CDKL1: variants seen among roughly 807,000 people sequenced by gnomAD.
The protein encoded by CDKL1 is cyclin-dependent kinase-like 1.
In CDKL1, 41 loss-of-function variants were observed where a neutral mutation model predicts 42.0. That is an observed-to-expected ratio of 0.98 (90% CI 0.76 to 1.27). CDKL1 has a LOEUF of 1.27. Among genes scored for constraint, CDKL1 ranks in the 50% most tolerant of loss-of-function variants. The pLI is 0.00. For synonymous variants in CDKL1, 153 were observed against 158.6 expected, an observed-to-expected ratio of 0.96 and a Z score of 0.26; for missense variants, 394 against 428.4, an observed-to-expected ratio of 0.92 and a Z score of 0.71.
Position 50,339,022 on chromosome 14 carries a change from G to A in CDKL1, c.663C>T (p.Leu221=), listed in dbSNP as rs184318768. The change falls in exon 7 of 10, where the codon CTC becomes CTT. Residue 221 remains leucine, a synonymous_variant. Transcript: ENST00000395834. ...LYLIRKTLGD[L]IPRHQQVFST... is the part of the protein sequence containing the mutation. Reference sequence around the variant, plus strand: ...TAAACACTTGCTGGTGCCTAGGAATGAGATCCCCTTTGGACAAGAAAAGAA... The same window carrying A: ...TAAACACTTGCTGGTGCCTAGGAATAAGATCCCCTTTGGACAAGAAAAGAA... 6.2e-7 allele frequency: 1 copy of A among 1,607,300 alleles called. No homozygotes were observed. Among genetic ancestry groups the A allele is most frequent in the African/African-American group, 1.3e-5 (1 of 74,934 alleles).
At chr14:50,380,656 CTG>C (rs2034877513) in intron 2 of CDKL1, among the ~76,000 whole-genome samples, 1 of 152,206 alleles carries the variant, frequency 6.6e-6, no homozygotes, top group African/African-American at 2.4e-5. Flanking sequence ...ATCATGTTAA[CTG>C]GATCTCCTGG....
rs374702856 is a variant in CDKL1 at position 50,362,098 on chromosome 14, C to T, written c.169-2949G>A. 5.8e-4 allele frequency: 143 copies of T among 245,456 alleles called. 4 individuals carry two copies. Among genetic ancestry groups the T allele is most frequent in the South Asian group, 4.4e-3 (132 of 30,018 alleles). 15.2% of individuals were successfully genotyped at this position (245,456 alleles called of 1,614,324 possible). On this transcript the variant is annotated intron_variant, in intron 2 of 9. Coordinates refer to ENST00000395834, the MANE Select transcript of CDKL1 (RefSeq NM_004196.7). ...GCAGCTGCTGTGCTCGACTTCTGGC[C>T]GGGCCTTAGGTGCCTCCCTGCAGGG...
At chr14:50,388,415 T>C (rs2035150512) in intron 2 of CDKL1, among the ~76,000 whole-genome samples, 1 of 152,236 alleles carries the variant, frequency 6.6e-6, no homozygotes, top group South Asian at 2.1e-4. Flanking sequence ...CATGTGCCTG[T>C]CACCATGATG....
chr14:50,362,576 A>C (rs1464294010), intron 2 of CDKL1, among the ~76,000 whole-genome samples: 1 of 152,170 alleles, frequency 6.6e-6, no homozygotes, highest in African/African-American at 2.4e-5. Context: ...TAAATACACC[A>C]ATCAGCACCC....
In CDKL1 at chr14:50,395,904, G is replaced by T. The variant is rs1168818443; in HGVS notation, c.-36C>A. The T allele has an allele frequency of 4.4e-6, 7 of 1,602,332 alleles. No individual in the cohort carries two copies. The highest frequency in any genetic ancestry group is 6.0e-6 in the Non-Finnish European group (7 of 1,169,764). ...TAAATCTTCTTAAAATGGATCTTCA[G>T]CCGAGAATGGTGGCTCACGCCTGTA... On this transcript the variant is annotated 5_prime_UTR_variant, in exon 2 of 10. In the 5' UTR this introduces an upstream ATG that the reference lacks. Coordinates refer to ENST00000395834, the MANE Select transcript of CDKL1 (RefSeq NM_004196.7).
chr14:50,335,295 C>CA (rs55777134), intron 7 of CDKL1, among the ~76,000 whole-genome samples: 7,267 of 53,348 alleles, frequency 0.14, 562 homozygotes, highest in Non-Finnish European at 0.16. Flanking sequence ...GACCCTGTCT[C>CA]AAAAAAAAAA....
chr14:50,396,310 G>A lies in CDKL1; in HGVS notation c.-442C>T. 1 of 1,007,886 alleles carries A rather than the reference G, an allele frequency of 9.9e-7. No homozygotes were observed. Among genetic ancestry groups the A allele is most frequent in the Non-Finnish European group, 1.2e-6 (1 of 845,036 alleles). The allele number at this position is 1,007,886 out of a possible 1,614,324, so 62.4% of individuals were successfully genotyped here. ...GGACTGCACTAGAGCCCCACCCAAC[G>A]ATGAGTGTTTGTCACGGTCCTAGAA... is the stretch of plus-strand genomic sequence containing the variant. On this transcript the variant is annotated 5_prime_UTR_variant, in exon 2 of 10. Coordinates refer to ENST00000395834, the MANE Select transcript of CDKL1 (RefSeq NM_004196.7).
chr14:50,379,923 C>T (rs1171023615), intron 2 of CDKL1, among the ~76,000 whole-genome samples: 2 of 152,208 alleles, frequency 1.3e-5, no homozygotes, highest in Non-Finnish European at 2.9e-5. Context: ...CTTTCAAGGG[C>T]TGTGGCTACA....
At chr14:50,376,854 A>C (rs1161057150) in intron 2 of CDKL1, among the ~76,000 whole-genome samples, 1 of 152,230 alleles carries the variant, frequency 6.6e-6, no homozygotes, top group African/African-American at 2.4e-5. Flanking sequence ...CCAGATGTTG[A>C]TAAGTCTTAT....
At position 50,367,361 on chromosome 14, in the gene CDKL1, C is replaced by A. The variant is rs540919087; in HGVS notation, c.169-8212G>T. Among the ~76,000 whole-genome samples the A allele has an allele frequency of 2.6e-5, 4 of 152,268 alleles. No individual in the cohort carries two copies. In the South Asian group the frequency reaches 8.3e-4, roughly 32 times the overall value. On this transcript the variant is annotated intron_variant, in intron 2 of 9. Transcript: ENST00000395834. ...ATGTGGACTTAACATCTCAAACTAC[C>A]TTACTCCTCTCTCTCTATTGACTCC... is the stretch of plus-strand genomic sequence containing the variant.
At chr14:50,335,865 A>G in intron 7 of CDKL1, 2 of 1,271,238 alleles carry the variant, frequency 1.6e-6, no homozygotes, top group Non-Finnish European at 2.0e-6. Flanking sequence ...CATACTAATC[A>G]TTGATAAGAG....
chr14:50,394,523 G>A (rs575699899), intron 2 of CDKL1, among the ~76,000 whole-genome samples: 3 of 152,326 alleles, frequency 2.0e-5, no homozygotes, highest in Admixed American at 1.3e-4. Flanking sequence ...CACAAGATTT[G>A]TAGAGTGATC....
At chr14:50,392,716 T>G (rs2139555871) in intron 2 of CDKL1, among the ~76,000 whole-genome samples, 1 of 152,240 alleles carries the variant, frequency 6.6e-6, no homozygotes, top group Middle Eastern at 3.4e-3. Flanking sequence ...GGACTTCCCC[T>G]GAATGCCAGA....
chr14:50,390,111 T>A (rs946757823), intron 2 of CDKL1: 2 of 1,344,674 alleles, frequency 1.5e-6, no homozygotes, highest in Non-Finnish European at 2.0e-6. Context: ...CCAAATTTAC[T>A]AGGTCCCTTG....
chr14:50,338,832 T>C, intron 7 of CDKL1, 115 bp downstream of exon 7: 1 of 740,158 alleles, frequency 1.4e-6, no homozygotes. Flanking sequence ...CAATTTTCTT[T>C]TTCTCTGTTA....
chr14:50,392,284 A>G, intron 2 of CDKL1, among the ~76,000 whole-genome samples: 1 of 151,918 alleles, frequency 6.6e-6, no homozygotes, highest in South Asian at 2.1e-4. Context: ...TCTCTCTACT[A>G]AAAATACAAA....
chr14:50,330,555 C>T (rs1335088790), intron 9 of CDKL1: 1 of 199,838 alleles, frequency 5.0e-6, no homozygotes, highest in South Asian at 8.6e-5. Flanking sequence ...AGCACCTAGG[C>T]AATTTGCCTA....
intron 2 of CDKL1, among the ~76,000 whole-genome samples, chr14:50,391,858 C>CA (rs905672580): frequency 2.6e-5 from 4 of 151,986 alleles, no homozygotes; most frequent in Admixed American, 6.6e-5. Flanking sequence ...AAAACAACCA[C>CA]AAAAAAAACC....
intron 2 of CDKL1, among the ~76,000 whole-genome samples, chr14:50,385,871 C>G (rs1232394786): frequency 6.8e-6 from 1 of 146,762 alleles, no homozygotes; most frequent in Non-Finnish European, 1.5e-5. Context: ...TTAAAAATAA[C>G]TATACACATT....
Sources: gnomAD v4.1 joint callset for allele counts (sites outside exome capture counted in the v4.1 genomes callset) on GRCh38, gnomAD v4.1.1 for gene constraint, MANE v1.5 for transcripts, NCBI Gene and HGNC (gene_info 2026-07-23, HGNC 2026-07-21) for gene names.